Variants in MB21D2 observed in about 807,000 individuals in gnomAD.
The protein encoded by MB21D2 is nucleotidyltransferase MB21D2.
MB21D2 carries 9 observed loss-of-function variants against 33.3 expected under a neutral mutation model. The ratio of observed to expected loss-of-function variants is 0.27; its 90% CI spans 0.16 to 0.47. The LOEUF (loss-of-function observed/expected upper bound fraction) is 0.47. Among genes scored for constraint, MB21D2 ranks in the 20% least tolerant of loss-of-function variants. The probability of loss-of-function intolerance (pLI) is 0.99; values close to 1 mark genes in which losing one functional copy is unlikely to be tolerated. For synonymous variants in MB21D2, 241 were observed against 236.3 expected (o/e 1.02, Z -0.18); for missense variants, 540 against 624.6 (o/e 0.86, Z 1.44).
chr3:192,895,483 G>A (rs1344160511), intron 1 of MB21D2, among the ~76,000 whole-genome samples: 4 of 152,124 alleles, frequency 2.6e-5, no homozygotes, highest in East Asian at 3.9e-4. Flanking sequence ...TGAAGCCAAC[G>A]ACTCACTGCA....
At chr3:192,807,390 G>T (rs1711687365) in intron 1 of MB21D2, among the ~76,000 whole-genome samples, 1 of 150,526 alleles carries the variant, frequency 6.6e-6, no homozygotes, top group African/African-American at 2.4e-5. Flanking sequence ...AGCTACATAA[G>T]GATACAGAAA....
intron 1 of MB21D2, among the ~76,000 whole-genome samples, chr3:192,843,637 G>C (rs1712619270): frequency 6.6e-6 from 1 of 152,198 alleles, no homozygotes; most frequent in Non-Finnish European, 1.5e-5. Context: ...TAGCAAGACA[G>C]CTGGGTCAGG....
intron 1 of MB21D2, among the ~76,000 whole-genome samples, chr3:192,902,265 G>A (rs746295334): frequency 1.2e-4 from 19 of 152,140 alleles, no homozygotes; most frequent in Non-Finnish European, 2.1e-4. Flanking sequence ...CTCAGTGTGT[G>A]GCACCACCCC....
At chr3:192,889,089 A>T (rs1713794974) in intron 1 of MB21D2, among the ~76,000 whole-genome samples, 1 of 152,142 alleles carries the variant, frequency 6.6e-6, no homozygotes, top group African/African-American at 2.4e-5. Flanking sequence ...CACGCAATCC[A>T]GTGGAAATGT....
intron 1 of MB21D2, among the ~76,000 whole-genome samples, chr3:192,803,734 C>T (rs1029883214): frequency 7.2e-5 from 11 of 152,150 alleles, no homozygotes; most frequent in South Asian, 4.1e-4. Context: ...TACGCTTTGG[C>T]TGTAGGGATC....
intron 1 of MB21D2, among the ~76,000 whole-genome samples, chr3:192,872,164 A>G (rs1713318864): frequency 1.3e-5 from 2 of 152,142 alleles, no homozygotes; most frequent in Non-Finnish European, 2.9e-5. Context: ...CCTGTTTCTA[A>G]AAAGGATTTG....
chr3:192,805,220 G>T (rs145337225), intron 1 of MB21D2, among the ~76,000 whole-genome samples: 1 of 152,184 alleles, frequency 6.6e-6, no homozygotes. Flanking sequence ...TGGGACCTGG[G>T]ACAACTGGCA....
intron 1 of MB21D2, among the ~76,000 whole-genome samples, chr3:192,835,256 C>T (rs1712410674): frequency 6.7e-6 from 1 of 148,846 alleles, no homozygotes; most frequent in Admixed American, 6.7e-5. Flanking sequence ...AGATCAAGAC[C>T]ATCCTGGCTA....
At chr3:192,806,168 C>A (rs1403018670) in intron 1 of MB21D2, among the ~76,000 whole-genome samples, 2 of 152,212 alleles carry the variant, frequency 1.3e-5, no homozygotes, top group Admixed American at 6.5e-5. Context: ...CCTGTACATC[C>A]TAGTGGAGGG....
intron 1 of MB21D2, among the ~76,000 whole-genome samples, chr3:192,825,081 T>C (rs1296298134): frequency 6.6e-6 from 1 of 152,168 alleles, no homozygotes; most frequent in African/African-American, 2.4e-5. Context: ...ATATTCTACT[T>C]TCCTGTCCCC....
At chr3:192,837,739 C>G (rs953309000) in intron 1 of MB21D2, among the ~76,000 whole-genome samples, 1 of 152,180 alleles carries the variant, frequency 6.6e-6, no homozygotes, top group Non-Finnish European at 1.5e-5. Context: ...GAGTCTCCGG[C>G]TTTAGATTCT....
At chr3:192,829,286 C>T (rs1474999973) in intron 1 of MB21D2, among the ~76,000 whole-genome samples, 4 of 152,330 alleles carry the variant, frequency 2.6e-5, no homozygotes, top group South Asian at 2.1e-4. Context: ...TATCCATTCA[C>T]CGTTTTCTGG....
intron 1 of MB21D2, among the ~76,000 whole-genome samples, chr3:192,864,194 A>G (rs1468501811): frequency 3.3e-5 from 5 of 152,186 alleles, no homozygotes; most frequent in Non-Finnish European, 5.9e-5. Context: ...CAAGGTAGGG[A>G]AGTACTTTCT....
chr3:192,814,676 C>G (rs1043703826), intron 1 of MB21D2, among the ~76,000 whole-genome samples: 26 of 151,750 alleles, frequency 1.7e-4, no homozygotes, highest in Non-Finnish European at 2.5e-4. Context: ...TCCTGGCTAA[C>G]ACGGTGAAAC....
chr3:192,834,209 C>CA (rs1239506506), intron 1 of MB21D2, among the ~76,000 whole-genome samples: 8 of 151,676 alleles, frequency 5.3e-5, no homozygotes, highest in African/African-American at 1.9e-4. Context: ...CCCAGCTACT[C>CA]AGGAGGCTGA....
chr3:192,838,829 G>T (rs985655327), intron 1 of MB21D2, among the ~76,000 whole-genome samples: 5 of 152,184 alleles, frequency 3.3e-5, no homozygotes, highest in African/African-American at 1.2e-4. Context: ...TTTTGACTCT[G>T]CCCTCATGGA....
At chr3:192,885,217 T>G (rs1294555025) in intron 1 of MB21D2, among the ~76,000 whole-genome samples, 2 of 152,180 alleles carry the variant, frequency 1.3e-5, no homozygotes, top group Admixed American at 6.5e-5. Context: ...CTAAGAGATC[T>G]TGATATAGAC....
intron 1 of MB21D2, among the ~76,000 whole-genome samples, chr3:192,830,266 GT>G (rs1712286354): frequency 3.4e-5 from 5 of 146,186 alleles, no homozygotes; most frequent in Middle Eastern, 3.6e-3. Context: ...GTGTGTGTGT[GT>G]GTGGGTGTCA....
intron 1 of MB21D2, among the ~76,000 whole-genome samples, chr3:192,899,817 C>CTGAG (rs1714054598): frequency 2.2e-5 from 1 of 45,788 alleles, no homozygotes; most frequent in African/African-American, 8.0e-5. Flanking sequence ...GTCTTGGGCA[C>CTGAG]CTCGTGTGTG....
Sources: gnomAD v4.1 joint callset for allele counts (sites outside exome capture counted in the v4.1 genomes callset) on GRCh38, gnomAD v4.1.1 for gene constraint, MANE v1.5 for transcripts, NCBI Gene and HGNC (gene_info 2026-07-23, HGNC 2026-07-21) for gene names.